COL28A1: variants seen among roughly 807,000 people sequenced by gnomAD.
COL28A1 encodes the protein collagen alpha-1(XXVIII) chain.
In COL28A1, 161 loss-of-function variants were observed where a neutral mutation model predicts 150.2. That is an observed-to-expected ratio of 1.07 (90% CI 0.94 to 1.22). The LOEUF (loss-of-function observed/expected upper bound fraction) is 1.22, where lower values mean the gene tolerates loss of function less well. Among genes scored for constraint, COL28A1 ranks in the 50% most tolerant of loss-of-function variants. The probability of loss-of-function intolerance (pLI) is 0.00; values close to 1 mark genes in which losing one functional copy is unlikely to be tolerated. For synonymous variants in COL28A1, 552 were observed against 469.7 expected, an observed-to-expected ratio of 1.18 and a Z score of -2.26; for missense variants, 1,617 against 1,388.3, an observed-to-expected ratio of 1.16 and a Z score of -2.62.
chr7:7,410,740 GT>G, intron 27 of COL28A1, among the ~76,000 whole-genome samples: 1 of 151,772 alleles, frequency 6.6e-6, no homozygotes, highest in South Asian at 2.1e-4. Flanking sequence ...ATATATGTGT[GT>G]TGCTCTCTTC....
chr7:7,443,555 C>A (rs1345961670), intron 20 of COL28A1, 30 bp downstream of exon 20: 1 of 1,613,086 alleles, frequency 6.2e-7, no homozygotes, highest in African/African-American at 1.3e-5. Context: ...AGAACACAGG[C>A]TGCTTCCACC....
chr7:7,400,050 A>G (rs1783081194), intron 27 of COL28A1, among the ~76,000 whole-genome samples: 2 of 152,234 alleles, frequency 1.3e-5, no homozygotes, highest in South Asian at 4.1e-4. Context: ...TGCTTTTCAG[A>G]TTACTCTTCT....
chr7:7,440,119 A>G (rs1283068168), intron 21 of COL28A1, among the ~76,000 whole-genome samples: 1 of 152,122 alleles, frequency 6.6e-6, no homozygotes, highest in African/African-American at 2.4e-5. Context: ...ACACATACTT[A>G]ATTGCTCACC....
chr7:7,527,372 G>C (rs1218126382), intron 3 of COL28A1, among the ~76,000 whole-genome samples: 1 of 152,250 alleles, frequency 6.6e-6, no homozygotes, highest in Non-Finnish European at 1.5e-5. Flanking sequence ...TGGTTTTGAA[G>C]AGAGGAATGC....
Position 7,380,805 on chromosome 7 carries a change from C to T in COL28A1, c.2263G>A (p.Glu755Lys), listed in dbSNP as rs146560754. The T allele has an allele frequency of 9.3e-6, 15 of 1,613,780 alleles. No individual in the cohort carries two copies. Among genetic ancestry groups the T allele is most frequent in the Non-Finnish European group, 1.2e-5 (14 of 1,179,860 alleles). ...GKKGDKGEIG[E>K]PGSPGKQGLQ... ...GCCTGTTTTCCTGGAGATCCAGGCTCTCCAATTTCTCCTTTATCACCTTTC... is the reference window on the plus strand; with the variant it reads ...GCCTGTTTTCCTGGAGATCCAGGCTTTCCAATTTCTCCTTTATCACCTTTC... Residue 755 changes from glutamate (E) to lysine (K), a missense_variant, in exon 29 of 35, where the codon GAG becomes AAG. Glu to Lys is a moderately conservative substitution (Grantham distance 56). Coordinates refer to ENST00000399429, the MANE Select transcript of COL28A1 (RefSeq NM_001037763.3).
intron 15 of COL28A1, among the ~76,000 whole-genome samples, chr7:7,464,154 T>C (rs1787861057): frequency 1.3e-5 from 2 of 152,184 alleles, no homozygotes; most frequent in Non-Finnish European, 1.5e-5. Context: ...AGCTCCCTAA[T>C]TTATAAAACA....
chr7:7,534,359 G>T (rs1038391583), intron 1 of COL28A1, among the ~76,000 whole-genome samples: 6 of 152,134 alleles, frequency 3.9e-5, no homozygotes, highest in African/African-American at 1.4e-4. Flanking sequence ...CTCTCCTCAA[G>T]TTGTCCCTTT....
Position 7,386,236 on chromosome 7 carries a change from G to A in COL28A1, c.2137-4624C>T, listed in dbSNP as rs547705898. Among the ~76,000 whole-genome samples the A allele has an allele frequency of 2.5e-4, 38 of 152,200 alleles. 1 individual carries two copies. The highest frequency in any genetic ancestry group is 7.5e-4 in the African/African-American group (31 of 41,520). On this transcript the variant is annotated intron_variant, in intron 27 of 34. Coordinates refer to ENST00000399429, the MANE Select transcript of COL28A1 (RefSeq NM_001037763.3). ...TGATTTATTTGTGCATTACTGATACGTCAGGAAACAATGATTTTTCTTTCG... is the reference window on the plus strand; with the variant it reads ...TGATTTATTTGTGCATTACTGATACATCAGGAAACAATGATTTTTCTTTCG...
chr7:7,379,385 T>C (rs374720276), intron 30 of COL28A1, among the ~76,000 whole-genome samples: 9 of 152,316 alleles, frequency 5.9e-5, no homozygotes, highest in African/African-American at 1.9e-4. Flanking sequence ...TCTCTGCCTC[T>C]TGGTTGAAAA....
intron 6 of COL28A1, among the ~76,000 whole-genome samples, chr7:7,518,945 T>C (rs1417907206): frequency 6.6e-6 from 1 of 152,222 alleles, no homozygotes; most frequent in Non-Finnish European, 1.5e-5. Context: ...TTGAAAATTG[T>C]GTTCAGAAAT....
intron 18 of COL28A1, among the ~76,000 whole-genome samples, chr7:7,448,817 G>C (rs896018148): frequency 3.3e-5 from 5 of 151,984 alleles, no homozygotes; most frequent in African/African-American, 1.2e-4. Context: ...ATGGATCTTA[G>C]ATTTTGCTGC....
chr7:7,402,225 T>C (rs1232529187), intron 27 of COL28A1, among the ~76,000 whole-genome samples: 8 of 152,228 alleles, frequency 5.3e-5, no homozygotes, highest in South Asian at 2.1e-4. Flanking sequence ...ATTTCATCAT[T>C]TGAACATCAA....
intron 27 of COL28A1, among the ~76,000 whole-genome samples, chr7:7,399,331 T>A (rs779709308): frequency 1.7e-4 from 26 of 152,174 alleles, no homozygotes; most frequent in Non-Finnish European, 2.8e-4. Context: ...ATCTTCCATA[T>A]CAACCCACAA....
intron 20 of COL28A1, among the ~76,000 whole-genome samples, chr7:7,442,151 GCCA>G (rs1785846259): frequency 6.6e-6 from 1 of 152,120 alleles, no homozygotes; most frequent in African/African-American, 2.4e-5. Flanking sequence ...GTCACCTCAA[GCCA>G]CAAATTCAGT....
intron 20 of COL28A1, 38 bp from the exon 21 acceptor site, chr7:7,440,899 G>C (rs1234211603): frequency 9.8e-7 from 1 of 1,022,316 alleles, no homozygotes; most frequent in Non-Finnish European, 1.6e-6. Flanking sequence ...TTTTCGTATG[G>C]TATTAGCAAC....
At chr7:7,456,779 T>C (rs963808946) in intron 15 of COL28A1, among the ~76,000 whole-genome samples, 6 of 152,192 alleles carry the variant, frequency 3.9e-5, no homozygotes, top group African/African-American at 1.4e-4. Flanking sequence ...CTGTCCTCCA[T>C]TGAGCTTAGA....
intron 15 of COL28A1, among the ~76,000 whole-genome samples, chr7:7,457,519 A>G (rs1787263051): frequency 6.6e-6 from 1 of 152,230 alleles, no homozygotes; most frequent in Non-Finnish European, 1.5e-5. Context: ...TAAAATGAAC[A>G]TCCAAATGGA....
At chr7:7,522,859 C>T (rs1781810398) in intron 4 of COL28A1, among the ~76,000 whole-genome samples, 1 of 123,134 alleles carries the variant, frequency 8.1e-6, no homozygotes. Flanking sequence ...CATTTTATAA[C>T]GTTTTTAAAA....
At chr7:7,344,624 ATCTG>A in the COL28A1 span, among the ~76,000 whole-genome samples, 1 of 152,100 alleles carries the variant, frequency 6.6e-6, no homozygotes, top group African/African-American at 2.4e-5. Context: ...GTTTCACATC[ATCTG>A]TCTTTTAAAT....
Sources: gnomAD v4.1 joint callset for allele counts (sites outside exome capture counted in the v4.1 genomes callset) on GRCh38, gnomAD v4.1.1 for gene constraint, MANE v1.5 for transcripts, NCBI Gene and HGNC (gene_info 2026-07-23, HGNC 2026-07-21) for gene names.